DRC4: variants seen among roughly 807,000 people sequenced by gnomAD.
DRC4 encodes GAS-11.
At chr16:90,022,628 C>T in the DRC4 span, 5 of 1,324,286 alleles carry the variant, frequency 3.8e-6, no homozygotes, top group African/African-American at 1.5e-5. Flanking sequence ...TGTGACTTAT[C>T]GCGGCATCGC....
chr16:90,022,616 C>A, the DRC4 span: 90 of 1,281,774 alleles, frequency 7.0e-5, no homozygotes, highest in Non-Finnish European at 8.0e-5. Context: ...TCGCGAGGAT[C>A]TTGTGACTTA....
chr16:90,029,593 G>A, the DRC4 span: 5 of 290,506 alleles, frequency 1.7e-5, no homozygotes, highest in African/African-American at 1.2e-4. Context: ...GGGGGTGCGT[G>A]TCTCCCTCAT....
At chr16:90,044,471 TCAGCCCCCTC>T in the DRC4 span, 9 of 470,176 alleles carry the variant, frequency 1.9e-5, no homozygotes, top group Non-Finnish European at 3.5e-5. Context: ...GTCATGAGCC[TCAGCCCCCTC>T]CAGCCCACTG....
chr16:90,028,876 C>T, the DRC4 span: 2 of 1,149,586 alleles, frequency 1.7e-6, no homozygotes, highest in Non-Finnish European at 1.1e-6. Flanking sequence ...GTCTCATGAC[C>T]TGAAGTTGGA....
chr16:90,043,306 G>A, the DRC4 span: 1 of 1,612,356 alleles, frequency 6.2e-7, no homozygotes, highest in Non-Finnish European at 8.5e-7. Context: ...GACAGACACT[G>A]GGCCAGGGCC....
chr16:90,036,930 A>G, the DRC4 span: 1 of 552,192 alleles, frequency 1.8e-6, no homozygotes, highest in Non-Finnish European at 3.3e-6. Context: ...ACAGGTGGAT[A>G]GGTGTCATCG....
chr16:90,037,514 C>G, the DRC4 span: 2 of 1,217,916 alleles, frequency 1.6e-6, no homozygotes, highest in South Asian at 3.1e-5. Context: ...GACGGGGAGG[C>G]CTGCATTTCT....
At chr16:90,036,666 C>A in the DRC4 span, 1 of 1,251,926 alleles carries the variant, frequency 8.0e-7, no homozygotes, top group Non-Finnish European at 1.1e-6. Context: ...GGATCCAGAC[C>A]CCAGCTCTCC....
the DRC4 span, among the ~76,000 whole-genome samples, chr16:90,025,085 T>C: frequency 6.6e-6 from 1 of 150,554 alleles, no homozygotes; most frequent in Non-Finnish European, 1.5e-5. Flanking sequence ...GGCATGATCT[T>C]GGCTCACTGC....
chr16:90,029,031 AG>A, the DRC4 span: 16 of 1,301,972 alleles, frequency 1.2e-5, no homozygotes, highest in African/African-American at 2.3e-4. Flanking sequence ...TGCTGGATGG[AG>A]AATGGATTGA....
chr16:90,037,440 C>G, the DRC4 span: 2 of 1,577,106 alleles, frequency 1.3e-6, no homozygotes, highest in Non-Finnish European at 1.7e-6. Context: ...TTGGCATGAG[C>G]TTGCCTAGGC....
the DRC4 span, chr16:90,042,619 C>T: frequency 8.8e-7 from 1 of 1,139,714 alleles, no homozygotes; most frequent in African/African-American, 1.5e-5. Context: ...GAGGACCCCA[C>T]CTGTGCCCAC....
At chr16:90,027,799 C>A in the DRC4 span, 2 of 1,353,636 alleles carry the variant, frequency 1.5e-6, no homozygotes, top group South Asian at 1.2e-5. Flanking sequence ...GCCGAGTGTC[C>A]ATCTTGCCAT....
chr16:90,042,876 G>A, the DRC4 span: 7 of 499,510 alleles, frequency 1.4e-5, no homozygotes, highest in African/African-American at 3.8e-5. Flanking sequence ...AAGGGAGGGC[G>A]TGAAGAACCT....
the DRC4 span, among the ~76,000 whole-genome samples, chr16:90,024,713 C>G: frequency 6.6e-6 from 1 of 152,052 alleles, no homozygotes; most frequent in African/African-American, 2.4e-5. Context: ...TGCTTACACA[C>G]TTTTTAATTT....
chr16:90,022,440 C>T, the DRC4 span, among the ~76,000 whole-genome samples: 1 of 152,232 alleles, frequency 6.6e-6, no homozygotes, highest in Non-Finnish European at 1.5e-5. Flanking sequence ...TGAAGGGTTC[C>T]CCCCTCGTGG....
the DRC4 span, chr16:90,043,135 C>T: frequency 6.5e-7 from 1 of 1,547,852 alleles, no homozygotes; most frequent in Non-Finnish European, 8.8e-7. Flanking sequence ...GAGCTGCACT[C>T]AGCTCTGGTG....
At chr16:90,025,877 A>C in the DRC4 span, among the ~76,000 whole-genome samples, 1 of 151,974 alleles carries the variant, frequency 6.6e-6, no homozygotes, top group Non-Finnish European at 1.5e-5. Context: ...TCTCAAAAAA[A>C]AAAAAAAAAA....
At chr16:90,037,783 G>T in the DRC4 span, 17 of 1,614,194 alleles carry the variant, frequency 1.1e-5, no homozygotes, top group Non-Finnish European at 1.4e-5. Flanking sequence ...CCGTTTGAAA[G>T]TCAGGGAGAA....
Sources: gnomAD v4.1 joint callset for allele counts (sites outside exome capture counted in the v4.1 genomes callset) on GRCh38, gnomAD v4.1.1 for gene constraint, MANE v1.5 for transcripts, NCBI Gene and HGNC (gene_info 2026-07-23, HGNC 2026-07-21) for gene names.